The following HERC2 variants were observed in gnomAD, a reference collection of about 807,000 sequenced individuals.
HERC2 encodes E3 ubiquitin-protein ligase HERC2.
A neutral mutation model predicts 537.7 loss-of-function variants in HERC2; 102 were observed. The ratio of observed to expected loss-of-function variants is 0.19; its 90% CI spans 0.16 to 0.22. The LOEUF is 0.22. Among genes scored for constraint, HERC2 ranks in the 10% least tolerant of loss-of-function variants. The pLI, the probability that HERC2 is intolerant of heterozygous loss-of-function variation, is 1.00. For synonymous variants in HERC2, 2,224 were observed against 2,466.2 expected, an observed-to-expected ratio of 0.90 and a Z score of 2.91; for missense variants, 4,236 against 6,198.2, an observed-to-expected ratio of 0.68 and a Z score of 10.63.
intron 92 of HERC2, among the ~76,000 whole-genome samples, chr15:28,112,773 C>T (rs935221651): frequency 6.6e-6 from 1 of 152,188 alleles, no homozygotes; most frequent in Non-Finnish European, 1.5e-5. Context: ...TCACCTAATT[C>T]GACCAGATAA....
intron 65 of HERC2, among the ~76,000 whole-genome samples, chr15:28,171,580 C>G (rs1322708218): frequency 6.6e-6 from 1 of 151,932 alleles, no homozygotes; most frequent in Non-Finnish European, 1.5e-5. Flanking sequence ...TAAATGTCCC[C>G]TCCTGAGACA....
At chr15:28,132,953 T>C in intron 79 of HERC2, 123 bp from the exon 80 acceptor site, 1 of 835,262 alleles carries the variant, frequency 1.2e-6, no homozygotes, top group South Asian at 2.7e-5. Context: ...TCAAGAAGAA[T>C]CATTCAGACC....
At chr15:28,284,548 A>G (rs1196240781) in intron 4 of HERC2, among the ~76,000 whole-genome samples, 1 of 152,180 alleles carries the variant, frequency 6.6e-6, no homozygotes, top group African/African-American at 2.4e-5. Flanking sequence ...AGAAAAAAAA[A>G]AAGATCATGC....
In HERC2 at chr15:28,210,202, C is replaced by A. The variant is rs369545106; in HGVS notation, c.7069+800G>T. Among the ~76,000 whole-genome samples the A allele has an allele frequency of 4.4e-4, 67 of 152,144 alleles. No homozygotes were observed. The East Asian group carries it at 0.011, about 25-fold the overall frequency. ...AGGCTGGAGTGCAGTGGCGCCATCT[C>A]GGCTCACTGTAAGCTCCGCCTCCCG... is the stretch of plus-strand genomic sequence containing the variant. On this transcript the variant is annotated intron_variant, in intron 44 of 92. Coordinates refer to ENST00000261609, the MANE Select transcript of HERC2 (RefSeq NM_004667.6).
intron 2 of HERC2, among the ~76,000 whole-genome samples, chr15:28,309,636 T>C (rs2076886271): frequency 1.3e-5 from 2 of 151,934 alleles, no homozygotes; most frequent in South Asian, 2.1e-4. Flanking sequence ...ACAACCACAA[T>C]GGATTCAATT....
intron 71 of HERC2, 29 bp downstream of exon 71, chr15:28,146,208 T>C (rs765309193): frequency 6.7e-7 from 1 of 1,481,550 alleles, no homozygotes; most frequent in South Asian, 1.1e-5. Flanking sequence ...GGTGGGTAGA[T>C]CATGCCCTGC....
At chr15:28,204,198 A>C (rs1465540307) in intron 45 of HERC2, among the ~76,000 whole-genome samples, 1 of 152,178 alleles carries the variant, frequency 6.6e-6, no homozygotes, top group African/African-American at 2.4e-5. Context: ...GAAGGACAAC[A>C]ACCAATAACT....
intron 21 of HERC2, 95 bp downstream of exon 21, chr15:28,248,457 C>T: frequency 1.1e-6 from 1 of 879,412 alleles, no homozygotes; most frequent in Non-Finnish European, 1.7e-6. Context: ...AGTATAACAA[C>T]TACACATCTG....
chr15:28,229,294 G>C lies in HERC2; in HGVS notation c.5173C>G (p.Arg1725Gly). ...CCAAAGGTGACTTCCAGCAGCATCC[G>C]ATTAAAAGGCGGGATCAAATCAACA... ...KDVDLIPPFN[R>G]MLLEVTFGKL... Residue 1725 changes from arginine to glycine, a missense_variant, in exon 34 of 93, where the codon CGG (arginine) becomes GGG (glycine). Physicochemically the swap from Arg to Gly is moderately radical, Grantham distance 125. Transcript: ENST00000261609. The C allele has an allele frequency of 6.2e-7, 1 of 1,612,276 alleles. No individual in the cohort carries two copies.
At chr15:28,181,882 C>T (rs1895856117) in intron 57 of HERC2, among the ~76,000 whole-genome samples, 1 of 152,236 alleles carries the variant, frequency 6.6e-6, no homozygotes. Flanking sequence ...GATCATGGCG[C>T]TCTCCACCCA....
At chr15:28,175,332 A>T (rs774320315) in intron 64 of HERC2, among the ~76,000 whole-genome samples, 180 bp downstream of exon 64, 61 of 152,042 alleles carry the variant, frequency 4.0e-4, no homozygotes, top group Admixed American at 9.2e-4. Context: ...CCCCTGCTGC[A>T]AAGCAGGCAG....
chr15:28,240,494 G>A (rs545235380), intron 23 of HERC2, among the ~76,000 whole-genome samples: 1 of 152,068 alleles, frequency 6.6e-6, no homozygotes, highest in South Asian at 2.1e-4. Flanking sequence ...AAGTATGAGA[G>A]GGGAACATAC....
chr15:28,160,001 C>T (rs1893412017), intron 69 of HERC2, among the ~76,000 whole-genome samples: 1 of 152,248 alleles, frequency 6.6e-6, no homozygotes, highest in African/African-American at 2.4e-5. Context: ...GGTCCACTCC[C>T]AGACTCTGTT....
In HERC2 at chr15:28,228,551, G is replaced by A. The variant is rs187468429; in HGVS notation, c.5273-142C>T. ...CTTCTGCATGGATGCAAGAATAAAC[G>A]TAACGCAGAAAGCACGGGCGATTAC... On this transcript the variant is annotated intron_variant, in intron 34 of 92. Coordinates refer to ENST00000261609, the MANE Select transcript of HERC2 (RefSeq NM_004667.6). 6.3e-4 allele frequency: 510 copies of A among 808,768 alleles called. 1 individual carries two copies. In the East Asian group the frequency reaches 9.1e-3, roughly 14 times the overall value. 50.1% of individuals were successfully genotyped at this position (808,768 alleles called of 1,614,324 possible).
At chr15:28,131,857 C>T (rs906173113) in intron 81 of HERC2, among the ~76,000 whole-genome samples, 2 of 152,246 alleles carry the variant, frequency 1.3e-5, no homozygotes, top group Non-Finnish European at 2.9e-5. Flanking sequence ...ATCCCATCCA[C>T]TTCTCAAGAG....
intron 7 of HERC2, among the ~76,000 whole-genome samples, chr15:28,273,596 A>C (rs552014319): frequency 6.6e-6 from 1 of 152,304 alleles, no homozygotes; most frequent in South Asian, 2.1e-4. Context: ...TCCAGCGTTA[A>C]AACTCTGTGG....
Position 28,177,380 on chromosome 15 carries a change from TTTC to T in HERC2, c.9254+36_9254+38del. ...TCTCAAGAGTATCAGTCAGAAACAG[TTTC>T]TTATTAGCAAATGAGACTAAAAAAA... On this transcript the variant is annotated intron_variant, in intron 60 of 92. Coordinates refer to ENST00000261609, the MANE Select transcript of HERC2 (RefSeq NM_004667.6). This position sits in a 1 kb window ranked among gnomAD's most constrained non-coding sequence, Gnocchi z 5.0. 3.9e-6 allele frequency: 6 copies of T among 1,550,632 alleles called. No individual in the cohort carries two copies. The highest frequency in any genetic ancestry group is 5.3e-6 in the Non-Finnish European group (6 of 1,122,478).
At chr15:28,156,945 T>G (rs1022707146) in intron 69 of HERC2, among the ~76,000 whole-genome samples, 3 of 152,106 alleles carry the variant, frequency 2.0e-5, no homozygotes, top group African/African-American at 7.2e-5. Flanking sequence ...ATTTGTTGAG[T>G]TTTTAGCATG....
intron 79 of HERC2, 55 bp from the exon 80 acceptor site, chr15:28,132,885 TC>T: frequency 1.4e-6 from 2 of 1,394,446 alleles, no homozygotes; most frequent in East Asian, 2.6e-5. Flanking sequence ...TAAACATTTT[TC>T]AGTGTATTAA....
Sources: gnomAD v4.1 joint callset for allele counts (sites outside exome capture counted in the v4.1 genomes callset) on GRCh38, gnomAD v4.1.1 for gene constraint, Gnocchi (gnomAD v3.1) non-coding constraint, MANE v1.5 for transcripts, NCBI Gene and HGNC (gene_info 2026-07-23, HGNC 2026-07-21) for gene names.